CNNM2: variants seen among roughly 807,000 people sequenced by gnomAD.
CNNM2 encodes metal transporter CNNM2.
In CNNM2, 12 loss-of-function variants were observed where a neutral mutation model predicts 66.9. The ratio of observed to expected loss-of-function variants is 0.18; its 90% CI spans 0.11 to 0.29. The LOEUF (loss-of-function observed/expected upper bound fraction) is 0.29, where lower values mean the gene tolerates loss of function less well. Ranked by LOEUF, CNNM2 falls within the 10% of genes least tolerant of loss-of-function variation. CNNM2 has a pLI of 1.00. For synonymous variants in CNNM2, 557 were observed against 501.8 expected (o/e 1.11, Z -1.47); for missense variants, 705 against 1,167.7 (o/e 0.60, Z 5.77).
At chr10:103,055,384 A>G (rs1003458983) in intron 3 of CNNM2, among the ~76,000 whole-genome samples, 3 of 152,284 alleles carry the variant, frequency 2.0e-5, no homozygotes, top group South Asian at 4.1e-4. Flanking sequence ...TCTCAGACAC[A>G]TGGAAATGCT....
chr10:103,076,364 T>C, intron 7 of CNNM2, 94 bp downstream of exon 7: 1 of 1,244,552 alleles, frequency 8.0e-7, no homozygotes, highest in Middle Eastern at 2.7e-4. Flanking sequence ...TCCTCAGAAC[T>C]CTCCCTTTGT....
rs774260596 is a variant in CNNM2 at position 103,090,015 on chromosome 10, A to G, written c.*12835A>G. ...AGGTGGCCATGCAATTACATCTATA[A>G]TGGACCACAGGACAAGTCAATATAG... On this transcript the variant is annotated 3_prime_UTR_variant, in exon 8 of 8. Coordinates refer to ENST00000369878, the MANE Select transcript of CNNM2 (RefSeq NM_017649.5). The G allele has an allele frequency of 3.8e-5, 30 of 791,834 alleles. No individual in the cohort carries two copies. Among genetic ancestry groups the G allele is most frequent in the Non-Finnish European group, 5.5e-5 (28 of 509,616 alleles). The allele number at this position is 791,834 out of a possible 1,614,324, so 49.1% of individuals were successfully genotyped here.
At chr10:102,943,245 A>G (rs190125152) in intron 1 of CNNM2, among the ~76,000 whole-genome samples, 10 of 151,912 alleles carry the variant, frequency 6.6e-5, no homozygotes, top group African/African-American at 2.4e-4. Flanking sequence ...ACAAAAACCA[A>G]AAAAACCCAC....
At position 103,071,763 on chromosome 10, in the gene CNNM2, C is replaced by G; in HGVS notation, c.2168-11C>G. 6.2e-7 allele frequency: 1 copy of G among 1,613,050 alleles called. No homozygotes were observed. The highest frequency in any genetic ancestry group is 1.1e-5 in the South Asian group (1 of 91,052). On this transcript the variant is annotated splice_polypyrimidine_tract_variant and intron_variant, in intron 5 of 7. Transcript: ENST00000369878. The stretch of plus-strand genomic sequence containing the variant: ...TGATGCGATCTCACCCTGTTTTTCT[C>G]CATTTTTCAGTTCCTTTGTCCCTGT...
At position 103,076,147 on chromosome 10, in the gene CNNM2, C is replaced by T. The variant is rs773618129; in HGVS notation, c.2295C>T (p.Ser765=). 1.4e-5 allele frequency: 23 copies of T among 1,610,046 alleles called. No individual in the cohort carries two copies. The highest frequency in any genetic ancestry group is 4.0e-5 in the African/African-American group (3 of 74,868). The stretch of plus-strand genomic sequence containing the variant: ...ATCACTCAGACTCTCTCAGTCGAAG[C>T]GACCGGATTGACGCCGTCACACCAA... ...GLNHSDSLSR[S]DRIDAVTPTL... is the part of the protein sequence containing the mutation. Residue 765 remains serine (S), a synonymous_variant, in exon 7 of 8, where the codon AGC becomes AGT. Transcript: ENST00000369878.
At chr10:103,076,779 T>A (rs1226548150) in intron 7 of CNNM2, among the ~76,000 whole-genome samples, 192 bp from the exon 8 acceptor site, 1 of 152,230 alleles carries the variant, frequency 6.6e-6, no homozygotes, top group East Asian at 1.9e-4. Context: ...TATTTGGAAG[T>A]GGGTTACATC....
chr10:103,016,585 G>C (rs1008954377), intron 1 of CNNM2, among the ~76,000 whole-genome samples: 4 of 152,142 alleles, frequency 2.6e-5, no homozygotes, highest in Non-Finnish European at 5.9e-5. Context: ...TTATTTGCCA[G>C]TTTTGATATA....
intron 2 of CNNM2, among the ~76,000 whole-genome samples, chr10:103,050,270 G>A (rs1013635229): frequency 5.3e-5 from 8 of 152,126 alleles, no homozygotes; most frequent in African/African-American, 9.7e-5. Context: ...GGTGGCTCAC[G>A]TGTGTAATCC....
chr10:102,988,175 G>T (rs569209360), intron 1 of CNNM2, among the ~76,000 whole-genome samples: 2 of 151,884 alleles, frequency 1.3e-5, no homozygotes, highest in African/African-American at 2.4e-5. Context: ...GGTGGTGGGC[G>T]CCTGTAATCC....
intron 1 of CNNM2, among the ~76,000 whole-genome samples, chr10:103,028,487 C>T (rs897098221): frequency 3.3e-5 from 5 of 152,154 alleles, no homozygotes; most frequent in Admixed American, 6.6e-5. Flanking sequence ...TTCAAGTGGG[C>T]TTCATCTGAG....
At chr10:103,073,791 A>G (rs1472834003) in intron 6 of CNNM2, among the ~76,000 whole-genome samples, 1 of 145,716 alleles carries the variant, frequency 6.9e-6, no homozygotes, top group East Asian at 2.1e-4. Flanking sequence ...GAACCCGGGA[A>G]GCGGAACTTG....
In CNNM2 at chr10:102,965,076, C is replaced by T. The variant is rs139719423; in HGVS notation, c.1621+44975C>T. Among the ~76,000 whole-genome samples the T allele has an allele frequency of 1.8e-4, 28 of 152,310 alleles. No homozygotes were observed. In the East Asian group the frequency reaches 2.3e-3, roughly 13 times the overall value. ...CCTCACCAGACACTCAGCCTGCCCGCGCCTTGATCTTAGACTTCCCAGCCT... is the reference window on the plus strand; with the variant it reads ...CCTCACCAGACACTCAGCCTGCCCGTGCCTTGATCTTAGACTTCCCAGCCT... On this transcript the variant is annotated intron_variant, in intron 1 of 7. Transcript: ENST00000369878.
At chr10:103,036,349 C>A (rs1298785706) in intron 1 of CNNM2, among the ~76,000 whole-genome samples, 1 of 152,160 alleles carries the variant, frequency 6.6e-6, no homozygotes, top group Non-Finnish European at 1.5e-5. Context: ...CTTTTAAGGC[C>A]TTCCAACTGA....
At chr10:102,979,294 C>T (rs1473573658) in intron 1 of CNNM2, among the ~76,000 whole-genome samples, 4 of 152,140 alleles carry the variant, frequency 2.6e-5, no homozygotes, top group Non-Finnish European at 4.4e-5. Context: ...AGTGGTTTAT[C>T]AACTCACTCA....
chr10:103,001,570 C>A (rs1353116948), intron 1 of CNNM2, among the ~76,000 whole-genome samples: 4 of 152,156 alleles, frequency 2.6e-5, no homozygotes, highest in Admixed American at 2.6e-4. Context: ...GTAGACTATT[C>A]ATTCTCATAG....
At chr10:103,043,753 C>T (rs2065082252) in intron 1 of CNNM2, among the ~76,000 whole-genome samples, 1 of 152,212 alleles carries the variant, frequency 6.6e-6, no homozygotes, top group Admixed American at 6.5e-5. Flanking sequence ...TACTGCCCTG[C>T]CCTGAGCACT....
chr10:103,024,626 G>C lies in CNNM2; in HGVS notation c.1622-25081G>C, dbSNP rs371350667. On this transcript the variant is annotated intron_variant, in intron 1 of 7. Transcript: ENST00000369878. ...CCCGAGCAGCTGGGACTGCAGGTGC[G>C]TGCCACCATGCCTGGCTAGTTTTTT... 1.7e-4 allele frequency among the ~76,000 whole-genome samples: 26 copies of C among 152,068 alleles called. No homozygotes were observed. In the East Asian group the frequency reaches 5.0e-3, roughly 29 times the overall value.
rs1590302718 is a variant in CNNM2, at chr10:102,954,139, T to C, written c.1621+34038T>C. Among the ~76,000 whole-genome samples, 7 of 151,118 alleles carry C rather than the reference T, an allele frequency of 4.6e-5. 1 individual carries two copies. The highest frequency in any genetic ancestry group is 1.7e-4 in the African/African-American group (7 of 41,204). On this transcript the variant is annotated intron_variant, in intron 1 of 7. Coordinates refer to ENST00000369878, the MANE Select transcript of CNNM2 (RefSeq NM_017649.5). ...TTCTTTTCTTTTCTTTTTTTTTTTT[T>C]TTTTGAGACAGGGTTTCCCTCTGTC...
intron 1 of CNNM2, among the ~76,000 whole-genome samples, chr10:102,930,781 A>G (rs761734673): frequency 4.6e-5 from 7 of 152,194 alleles, no homozygotes; most frequent in Non-Finnish European, 7.3e-5. Context: ...GACATTTCAT[A>G]TAACATGTAA....
Sources: gnomAD v4.1 joint callset for allele counts (sites outside exome capture counted in the v4.1 genomes callset) on GRCh38, gnomAD v4.1.1 for gene constraint, MANE v1.5 for transcripts, NCBI Gene and HGNC (gene_info 2026-07-23, HGNC 2026-07-21) for gene names.